The following HSD17B11 variants were observed in gnomAD, a reference collection of about 807,000 sequenced individuals.
HSD17B11 encodes the protein estradiol 17-beta-dehydrogenase 11.
Under a neutral mutation model 27.8 loss-of-function variants are expected in HSD17B11, and 22 were observed. The ratio of observed to expected loss-of-function variants is 0.79; its 90% confidence interval spans 0.56 to 1.13. The LOEUF (loss-of-function observed/expected upper bound fraction) is 1.13, where lower values mean the gene tolerates loss of function less well. Ranked by LOEUF, HSD17B11 falls within the 50% of genes most tolerant of loss-of-function variation. The probability of loss-of-function intolerance (pLI) is 0.00; values close to 1 mark genes in which losing one functional copy is unlikely to be tolerated. For missense variants in HSD17B11, 314 were observed against 351.1 expected, an observed-to-expected ratio of 0.89 and a Z score of 0.84; for synonymous variants, 117 against 132.8, an observed-to-expected ratio of 0.88 and a Z score of 0.82.
intron 1 of HSD17B11, 95 bp downstream of exon 1, chr4:87,390,766 T>A: frequency 9.4e-7 from 1 of 1,067,688 alleles, no homozygotes; most frequent in Non-Finnish European, 1.4e-6. Flanking sequence ...TCCTCCCTGC[T>A]TTGCAGAGAT....
chr4:87,343,173 T>TA (rs1377609306), intron 5 of HSD17B11, among the ~76,000 whole-genome samples: 2 of 152,238 alleles, frequency 1.3e-5, no homozygotes, highest in African/African-American at 4.8e-5. Flanking sequence ...CCCTGTCAGA[T>TA]AACTTCTTAT....
intron 2 of HSD17B11, among the ~76,000 whole-genome samples, chr4:87,376,523 C>A (rs111457633): frequency 0.23 from 26,324 of 112,444 alleles, 3,078 homozygotes; most frequent in African/African-American, 0.29. Context: ...AAAAAAAAAA[C>A]CCAAAAAACA....
rs1720441576 is a variant in HSD17B11, at chr4:87,390,952, A to T, written c.119T>A (p.Leu40Gln). ...RRKSVTGEIV[L>Q]ITGAGHGIGR... Reference sequence around the variant, plus strand: ...AATTCCATGCCCAGCTCCTGTAATCAGCACGATTTCGCCGGTGACTGATTT... The same window carrying T: ...AATTCCATGCCCAGCTCCTGTAATCTGCACGATTTCGCCGGTGACTGATTT... Residue 40 changes from leucine (L) to glutamine (Q), a missense_variant, in exon 1 of 7, where the codon CTG becomes CAG. Physicochemically the swap from Leu to Gln is moderately radical, Grantham distance 113. Transcript: ENST00000358290. The T allele has an allele frequency of 6.2e-7, 1 of 1,614,096 alleles. No homozygotes were observed. The highest frequency in any genetic ancestry group is 1.7e-5 in the Admixed American group (1 of 60,002).
chr4:87,374,586 T>C, intron 3 of HSD17B11, 113 bp downstream of exon 3: 1 of 948,426 alleles, frequency 1.1e-6, no homozygotes, highest in Non-Finnish European at 1.6e-6. Flanking sequence ...TTATCCCTGG[T>C]GCCTGGAGAA....
intron 2 of HSD17B11, among the ~76,000 whole-genome samples, chr4:87,375,469 C>T (rs115776335): frequency 0.028 from 4,246 of 152,212 alleles, 79 homozygotes; most frequent in Middle Eastern, 0.065. Flanking sequence ...AGGCTGGGTG[C>T]GGTGGCTCAC....
At position 87,366,545 on chromosome 4, in the gene HSD17B11, T is replaced by C. The variant is rs151091926; in HGVS notation, c.557+6164A>G. ...TTTGTATAAATATGTTATTGGTATA[T>C]GTTCCAAAGTTATAAGAAACTCCTT... On this transcript the variant is annotated intron_variant, in intron 4 of 6. Coordinates refer to ENST00000358290, the MANE Select transcript of HSD17B11 (RefSeq NM_016245.5). 3.3e-5 allele frequency among the ~76,000 whole-genome samples: 5 copies of C among 152,358 alleles called. No individual in the cohort carries two copies. The East Asian group carries it at 9.6e-4, about 29-fold the overall frequency.
Position 87,352,981 on chromosome 4 carries a change from G to T in HSD17B11, c.695+4298C>A, listed in dbSNP as rs11097144. ...GCAATGCCTCGCCCTGCTTCGGCTCGCGCACGGTGCGCACACACACTGGCC... is the reference window on the plus strand; with the variant it reads ...GCAATGCCTCGCCCTGCTTCGGCTCTCGCACGGTGCGCACACACACTGGCC... On this transcript the variant is annotated intron_variant, in intron 5 of 6. Transcript: ENST00000358290. Among the ~76,000 whole-genome samples the T allele has an allele frequency of 2.7e-3, 274 of 102,186 alleles. 30 individuals carry two copies. Among genetic ancestry groups the T allele is most frequent in the African/African-American group, 0.011 (219 of 19,204 alleles). 67.0% of individuals were successfully genotyped at this position (102,186 alleles called of 152,430 possible).
At chr4:87,387,923 T>C (rs1383039875) in intron 1 of HSD17B11, among the ~76,000 whole-genome samples, 1 of 152,140 alleles carries the variant, frequency 6.6e-6, no homozygotes, top group Non-Finnish European at 1.5e-5. Flanking sequence ...CACAGTAGTC[T>C]CTTACTTTAC....
At chr4:87,388,166 C>CAAA (rs67885339) in intron 1 of HSD17B11, among the ~76,000 whole-genome samples, 16,688 of 137,166 alleles carry the variant, frequency 0.12, 1,265 homozygotes, top group East Asian at 0.29. Context: ...GTAGTCACAC[C>CAAA]AAAAAAAAAA....
At chr4:87,375,264 A>G (rs1489903761) in intron 2 of HSD17B11, among the ~76,000 whole-genome samples, 1 of 152,216 alleles carries the variant, frequency 6.6e-6, no homozygotes, top group African/African-American at 2.4e-5. Flanking sequence ...CCATGTGTCA[A>G]CAGGGGAAAA....
chr4:87,373,002 C>CA (rs56046323), intron 3 of HSD17B11, among the ~76,000 whole-genome samples, 187 bp from the exon 4 acceptor site: 5 of 152,258 alleles, frequency 3.3e-5, no homozygotes, highest in Non-Finnish European at 2.9e-5. Context: ...AAAACCTGAG[C>CA]AAAACAATGG....
Position 87,340,584 on chromosome 4 carries a change from C to T in HSD17B11, c.718G>A (p.Glu240Lys), listed in dbSNP as rs762809916. ...TGCATCAGCCTGTTTACCACTTCCT[C>T]AGGTTCCAGAGTGGGTCCCAAACTG... ...STSLGPTLEP[E>K]EVVNRLMHGI... The change falls in exon 6 of 7, where the codon GAG becomes AAG. Residue 240 changes from glutamate to lysine, a missense_variant. Glu to Lys is a moderately conservative substitution (Grantham distance 56). Coordinates refer to ENST00000358290, the MANE Select transcript of HSD17B11 (RefSeq NM_016245.5). 1.2e-6 allele frequency: 2 copies of T among 1,613,014 alleles called. No homozygotes were observed. The highest frequency in any genetic ancestry group is 3.3e-5 in the Admixed American group (2 of 59,848).
At chr4:87,381,143 C>T (rs1219156037) in intron 2 of HSD17B11, among the ~76,000 whole-genome samples, 5 of 146,790 alleles carry the variant, frequency 3.4e-5, no homozygotes, top group Admixed American at 6.8e-5. Flanking sequence ...GCTGAGATCA[C>T]GCCACTGCAC....
intron 4 of HSD17B11, among the ~76,000 whole-genome samples, chr4:87,368,611 C>T (rs1735651199): frequency 6.6e-6 from 1 of 152,180 alleles, no homozygotes; most frequent in Non-Finnish European, 1.5e-5. Flanking sequence ...CTGAAACCTA[C>T]CGGACTGCAT....
intron 5 of HSD17B11, among the ~76,000 whole-genome samples, chr4:87,344,096 G>A (rs1355180642): frequency 6.6e-6 from 1 of 152,132 alleles, no homozygotes; most frequent in East Asian, 1.9e-4. Flanking sequence ...GAATATGACG[G>A]TTAAATGGAA....
intron 2 of HSD17B11, among the ~76,000 whole-genome samples, chr4:87,378,819 AATATATATATAAAT>A (rs1389280859): frequency 0.13 from 5,293 of 39,934 alleles, 791 homozygotes; most frequent in Middle Eastern, 0.19. Flanking sequence ...ATAAATATAA[AATATATATATAAAT>A]ATATATATAT....
chr4:87,380,019 G>T (rs1449079446), intron 2 of HSD17B11, among the ~76,000 whole-genome samples: 1 of 148,276 alleles, frequency 6.7e-6, no homozygotes, highest in Non-Finnish European at 1.5e-5. Context: ...GCTGAGGCAG[G>T]AAGATTGCTT....
At chr4:87,341,515 A>G (rs1735168955) in intron 5 of HSD17B11, among the ~76,000 whole-genome samples, 1 of 152,106 alleles carries the variant, frequency 6.6e-6, no homozygotes, top group Non-Finnish European at 1.5e-5. Context: ...TTGTTGTGTA[A>G]TCACTCAAGT....
At chr4:87,386,706 A>G (rs1209602310) in intron 1 of HSD17B11, among the ~76,000 whole-genome samples, 1 of 152,198 alleles carries the variant, frequency 6.6e-6, no homozygotes, top group Non-Finnish European at 1.5e-5. Context: ...GTCTATTGGT[A>G]CAACTAAGAC....
Sources: gnomAD v4.1 joint callset for allele counts (sites outside exome capture counted in the v4.1 genomes callset) on GRCh38, gnomAD v4.1.1 for gene constraint, MANE v1.5 for transcripts, NCBI Gene and HGNC (gene_info 2026-07-23, HGNC 2026-07-21) for gene names.